Variants in IPCEF1 observed in about 807,000 individuals in gnomAD.
IPCEF1 encodes interactor protein for cytohesin exchange factors 1.
In IPCEF1, 31 loss-of-function variants were observed where a neutral mutation model predicts 50.9. The observed-to-expected ratio is 0.61, with a 90% confidence interval of 0.46 to 0.82. The LOEUF (loss-of-function observed/expected upper bound fraction) is 0.82. Among genes scored for constraint, IPCEF1 ranks in the 40% least tolerant of loss-of-function variants. IPCEF1 has a pLI of 0.00. For synonymous variants in IPCEF1, 181 were observed against 192.0 expected (o/e 0.94, Z 0.47); for missense variants, 458 against 514.0 (o/e 0.89, Z 1.05).
Position 154,220,109 on chromosome 6 carries a change from G to A in IPCEF1, c.392+1148C>T, listed in dbSNP as rs1262157173. ...AAGAGAGCAATGAGAACTACATAGG[G>A]CAGATAGGTAAGGAAATCATTATAA... On this transcript the variant is annotated intron_variant, in intron 7 of 11. Coordinates refer to ENST00000367220, the MANE Select transcript of IPCEF1 (RefSeq NM_001130700.2). Among the ~76,000 whole-genome samples the A allele has an allele frequency of 2.0e-5, 3 of 152,096 alleles. No homozygotes were observed. In the East Asian group the frequency reaches 5.8e-4, roughly 29 times the overall value.
intron 1 of IPCEF1, among the ~76,000 whole-genome samples, chr6:154,348,247 T>TTACC (rs1169699862): frequency 6.6e-6 from 1 of 152,164 alleles, no homozygotes; most frequent in African/African-American, 2.4e-5. Flanking sequence ...CAAGTCCCCA[T>TTACC]TACCTACGCA....
intron 10 of IPCEF1, among the ~76,000 whole-genome samples, chr6:154,180,310 G>A (rs940533511): frequency 1.0e-4 from 15 of 149,106 alleles, no homozygotes; most frequent in African/African-American, 3.7e-4. Flanking sequence ...TTCAAACTTA[G>A]GTCAGCTACC....
intron 1 of IPCEF1, among the ~76,000 whole-genome samples, chr6:154,290,893 C>CTTTTTTTTTTTTTTTTTTTTTT (rs3045866): frequency 7.9e-6 from 1 of 127,296 alleles, no homozygotes; most frequent in African/African-American, 3.2e-5. Flanking sequence ...AATATATTGC[C>CTTTTTTTTTTTTTTTTTTTTTT]TTTTTTTTTT....
rs1397858460 is a variant in IPCEF1 at position 154,159,886 on chromosome 6, T to C, written c.1259A>G (p.Asp420Gly). The C allele has an allele frequency of 6.2e-7, 1 of 1,613,368 alleles. No homozygotes were observed. The highest frequency in any genetic ancestry group is 8.5e-7 in the Non-Finnish European group (1 of 1,179,850). Residue 420 changes from aspartate to glycine, a missense_variant, in exon 12 of 12, where the codon GAC (aspartate) becomes GGC (glycine). Coordinates refer to ENST00000367220, the MANE Select transcript of IPCEF1 (RefSeq NM_001130700.2). ...TGATTTCTTGAGTTCCTGGGGGGTG[T>C]CATCAGTGTCATCAGGGGCAGGCGA... The part of the protein sequence containing the change: ...RASPAPDDTD[D>G]TPQELKKSPS...
chr6:154,294,005 CT>C (rs1232132572), intron 1 of IPCEF1, among the ~76,000 whole-genome samples: 1 of 152,094 alleles, frequency 6.6e-6, no homozygotes, highest in Non-Finnish European at 1.5e-5. Context: ...CTGTAATTTC[CT>C]AAGAAATAAA....
In IPCEF1 at chr6:154,195,398, C is replaced by T. The variant is rs1489717396; in HGVS notation, c.910+4270G>A. 3.3e-5 allele frequency among the ~76,000 whole-genome samples: 5 copies of T among 152,210 alleles called. No homozygotes were observed. In the East Asian group the frequency reaches 5.8e-4, roughly 18 times the overall value. ...TCCTGACCTTGTGATCCGCCCACCT[C>T]GGCCTCCCAAAGTGCTGGGATTACA... On this transcript the variant is annotated intron_variant, in intron 10 of 11. Coordinates refer to ENST00000367220, the MANE Select transcript of IPCEF1 (RefSeq NM_001130700.2).
intron 1 of IPCEF1, among the ~76,000 whole-genome samples, chr6:154,324,350 G>A (rs1395231034): frequency 6.6e-6 from 1 of 152,160 alleles, no homozygotes. Context: ...AGGAACACTT[G>A]AGTTCATGAG....
At chr6:154,227,011 A>T (rs1779304572) in intron 5 of IPCEF1, among the ~76,000 whole-genome samples, 1 of 152,096 alleles carries the variant, frequency 6.6e-6, no homozygotes, top group Non-Finnish European at 1.5e-5. Flanking sequence ...AGCCTGGCCA[A>T]CATGGTGAAA....
At chr6:154,274,688 G>A (rs1782010412) in intron 2 of IPCEF1, among the ~76,000 whole-genome samples, 1 of 152,128 alleles carries the variant, frequency 6.6e-6, no homozygotes, top group South Asian at 2.1e-4. Context: ...CTTCTAAAAT[G>A]TGGTCTATAC....
In IPCEF1 at chr6:154,159,792, T is replaced by C; in HGVS notation, c.*36A>G. ...TTGCAACATCTTGAAGAGTTGCTTG[T>C]GATAAAATATAAGAGGAGAAAACCC... On this transcript the variant is annotated 3_prime_UTR_variant, in exon 12 of 12. Transcript: ENST00000367220. 6.6e-7 allele frequency: 1 copy of C among 1,508,140 alleles called. No individual in the cohort carries two copies. Among genetic ancestry groups the C allele is most frequent in the Non-Finnish European group, 9.2e-7 (1 of 1,092,494 alleles). The allele number at this position is 1,508,140 out of a possible 1,614,324, so 93.4% of individuals were successfully genotyped here. A position where few individuals can be genotyped will look rare whatever the true frequency, so the allele number is the denominator to read the frequency against.
chr6:154,296,419 C>T (rs982507455), intron 1 of IPCEF1, among the ~76,000 whole-genome samples: 1 of 152,180 alleles, frequency 6.6e-6, no homozygotes, highest in Non-Finnish European at 1.5e-5. Context: ...TCAACTCCAC[C>T]GCATGCCCTA....
At chr6:154,270,559 AG>A (rs1483121892) in intron 2 of IPCEF1, among the ~76,000 whole-genome samples, 1 of 152,244 alleles carries the variant, frequency 6.6e-6, no homozygotes, top group Non-Finnish European at 1.5e-5. Context: ...CAAAATGTGT[AG>A]TATATCATAT....
chr6:154,313,018 A>G (rs1783118257), intron 1 of IPCEF1, among the ~76,000 whole-genome samples: 1 of 144,036 alleles, frequency 6.9e-6, no homozygotes. Context: ...GGAAGGTTGC[A>G]GTGAGCCGAA....
At chr6:154,199,540 G>T in intron 10 of IPCEF1, 128 bp downstream of exon 10, 1 of 1,110,280 alleles carries the variant, frequency 9.0e-7, no homozygotes. Context: ...TCTGGGCATA[G>T]CCCCACTTGA....
At chr6:154,336,821 C>T (rs1195389962) in intron 1 of IPCEF1, among the ~76,000 whole-genome samples, 1 of 152,138 alleles carries the variant, frequency 6.6e-6, no homozygotes, top group Non-Finnish European at 1.5e-5. Context: ...TGAGGCTGGT[C>T]TTGATCTCCT....
In IPCEF1 at chr6:154,203,206, A is replaced by G. The variant is rs148251776; in HGVS notation, c.538-3166T>C. Among the ~76,000 whole-genome samples, 284 of 152,288 alleles carry G rather than the reference A, an allele frequency of 1.9e-3. 1 individual carries two copies. The highest frequency in any genetic ancestry group is 6.5e-3 in the African/African-American group (270 of 41,568). On this transcript the variant is annotated intron_variant, in intron 9 of 11. Transcript: ENST00000367220. The stretch of plus-strand genomic sequence containing the variant: ...TCAAATGAAAGCAGAAGGCAGTGCT[A>G]GTCTCTCCTCTCCGCCCCACCTCTA...
At chr6:154,296,844 GA>G (rs566680187) in intron 1 of IPCEF1, among the ~76,000 whole-genome samples, 9 of 142,656 alleles carry the variant, frequency 6.3e-5, no homozygotes, top group Non-Finnish European at 1.2e-4. Context: ...AAAAAAAAAA[GA>G]AAAAAAAAGA....
chr6:154,324,052 T>C (rs1783459540), intron 1 of IPCEF1, among the ~76,000 whole-genome samples: 1 of 152,258 alleles, frequency 6.6e-6, no homozygotes, highest in African/African-American at 2.4e-5. Flanking sequence ...GACTTCATTT[T>C]ATTATTTTGT....
chr6:154,327,001 T>A (rs1027728137), intron 1 of IPCEF1, among the ~76,000 whole-genome samples: 4 of 152,218 alleles, frequency 2.6e-5, no homozygotes, highest in Non-Finnish European at 5.9e-5. Flanking sequence ...CTGAAATAAC[T>A]GGCTAGCCAT....
Sources: gnomAD v4.1 joint callset for allele counts (sites outside exome capture counted in the v4.1 genomes callset) on GRCh38, gnomAD v4.1.1 for gene constraint, MANE v1.5 for transcripts, NCBI Gene and HGNC (gene_info 2026-07-23, HGNC 2026-07-21) for gene names.